TRAPPC10: variants seen among roughly 807,000 people sequenced by gnomAD.
The protein encoded by TRAPPC10 is trafficking protein particle complex subunit 10.
Under a neutral mutation model 125.5 loss-of-function variants are expected in TRAPPC10, and 23 were observed. The ratio of observed to expected loss-of-function variants is 0.18; its 90% CI spans 0.13 to 0.26. TRAPPC10 has a LOEUF of 0.26. Among genes scored for constraint, TRAPPC10 ranks in the 10% least tolerant of loss-of-function variants. The pLI, the probability that TRAPPC10 is intolerant of heterozygous loss-of-function variation, is 1.00. For synonymous variants in TRAPPC10, 509 were observed against 518.0 expected (o/e 0.98, Z 0.24); for missense variants, 1,123 against 1,308.4 (o/e 0.86, Z 2.19).
At chr21:44,077,633 TGTA>T in intron 10 of TRAPPC10, 57 bp from the exon 11 acceptor site, 1 of 1,250,432 alleles carries the variant, frequency 8.0e-7, no homozygotes, top group Non-Finnish European at 1.2e-6. Flanking sequence ...GGTGAATAAA[TGTA>T]GTATTTGTCC....
At position 44,074,336 on chromosome 21, in the gene TRAPPC10, C is replaced by T. The variant is rs757376416; in HGVS notation, c.1051C>T (p.Pro351Ser). The change falls in exon 8 of 23, where the codon CCT becomes TCT. Residue 351 changes from proline (P) to serine (S), a missense_variant. Pro to Ser is a moderately conservative substitution (Grantham distance 74, BLOSUM62 -1). Coordinates refer to ENST00000291574, the MANE Select transcript of TRAPPC10 (RefSeq NM_003274.5). ...ELKLLEVSVP[P>S]GALDCWVFLS... The stretch of plus-strand genomic sequence containing the variant: ...TGCACCCCCACAGGTCTCTGTCCCA[C>T]CTGGTGCTCTGGACTGCTGGGTGTT... 3 of 1,614,158 alleles carry T rather than the reference C, an allele frequency of 1.9e-6. No individual in the cohort carries two copies. Among genetic ancestry groups the T allele is most frequent in the Non-Finnish European group, 2.5e-6 (3 of 1,180,044 alleles).
In TRAPPC10 at chr21:44,059,781, GT is replaced by G; in HGVS notation, c.790+570del. 1 of 395,960 alleles carries G rather than the reference GT, an allele frequency of 2.5e-6. No individual in the cohort carries two copies. Among genetic ancestry groups the G allele is most frequent in the Non-Finnish European group, 4.5e-6 (1 of 223,356 alleles). 24.5% of individuals were successfully genotyped at this position (395,960 alleles called of 1,614,324 possible). A position where few individuals can be genotyped will look rare whatever the true frequency, so the allele number is the denominator to read the frequency against. On this transcript the variant is annotated intron_variant, in intron 6 of 22. Transcript: ENST00000291574. The surrounding 1 kb of genome is among the most constrained non-coding windows in gnomAD (Gnocchi z 4.4). ...GAAAGTGATACCACGTTATATAGCT[GT>G]TTCTCTGTCGCTCCTTTTTGTTACT...
chr21:44,081,213 T>C (rs1045407166), intron 13 of TRAPPC10, among the ~76,000 whole-genome samples: 11 of 151,710 alleles, frequency 7.3e-5, no homozygotes, highest in African/African-American at 2.7e-4. Flanking sequence ...CAGGTTGGAG[T>C]GCAGTGGCAT....
intron 7 of TRAPPC10, among the ~76,000 whole-genome samples, chr21:44,065,701 C>A (rs1025062397): frequency 6.6e-6 from 1 of 152,210 alleles, no homozygotes; most frequent in Non-Finnish European, 1.5e-5. Flanking sequence ...GCTTCCCAGG[C>A]CAGAGAGGAC....
At chr21:44,072,469 T>G (rs1410897791) in intron 7 of TRAPPC10, among the ~76,000 whole-genome samples, 1 of 152,036 alleles carries the variant, frequency 6.6e-6, no homozygotes, top group African/African-American at 2.4e-5. Context: ...AGGAGGTGTT[T>G]GTTTGTTTGT....
chr21:44,028,594 G>T (rs1396807404), intron 1 of TRAPPC10, among the ~76,000 whole-genome samples: 2 of 152,216 alleles, frequency 1.3e-5, no homozygotes, highest in Non-Finnish European at 2.9e-5. Context: ...GCCAATGGTG[G>T]GTGTGGAGAC....
chr21:44,058,229 A>G (rs2035755853), intron 5 of TRAPPC10, among the ~76,000 whole-genome samples: 2 of 152,148 alleles, frequency 1.3e-5, no homozygotes, highest in South Asian at 4.1e-4. Context: ...GCCAGAGCTG[A>G]AGGAGTTTGG....
At chr21:44,081,159 G>T (rs1050770849) in intron 13 of TRAPPC10, among the ~76,000 whole-genome samples, 15 of 151,028 alleles carry the variant, frequency 9.9e-5, no homozygotes, top group Admixed American at 9.9e-4. Context: ...GGGACCACAG[G>T]TGTGGGCCAC....
Position 44,016,897 on chromosome 21 carries a change from T to C in TRAPPC10, c.67+4337T>C, listed in dbSNP as rs568255534. Among the ~76,000 whole-genome samples, 115 of 152,300 alleles carry C rather than the reference T, an allele frequency of 7.6e-4. 1 individual carries two copies. Among genetic ancestry groups the C allele is most frequent in the East Asian group, 1.5e-3 (8 of 5,186 alleles). ...ATGGTCTTGATCTGACCTTGTGATC[T>C]GCCCGCCTCAGCCTCCCAAAGTGCT... On this transcript the variant is annotated intron_variant, in intron 1 of 22. Coordinates refer to ENST00000291574, the MANE Select transcript of TRAPPC10 (RefSeq NM_003274.5).
At chr21:44,086,732 C>T in intron 15 of TRAPPC10, 70 bp from the exon 16 acceptor site, 4 of 1,540,040 alleles carry the variant, frequency 2.6e-6, no homozygotes, top group South Asian at 1.1e-5. Context: ...CCCCTTTCAC[C>T]CCATTGCGGG....
chr21:44,080,600 C>T (rs2037628927), intron 13 of TRAPPC10, among the ~76,000 whole-genome samples: 1 of 151,282 alleles, frequency 6.6e-6, no homozygotes, highest in Non-Finnish European at 1.5e-5. Context: ...TGCAATGGTG[C>T]CATCTCAGCT....
intron 1 of TRAPPC10, among the ~76,000 whole-genome samples, chr21:44,022,450 ATTTTTTTTTTTT>A (rs71197876): frequency 4.1e-5 from 4 of 96,986 alleles, no homozygotes; most frequent in Non-Finnish European, 5.5e-5. Context: ...TGCCCAGCTA[ATTTTTTTTTTTT>A]TTTTTTTTTT....
intron 7 of TRAPPC10, among the ~76,000 whole-genome samples, chr21:44,066,293 A>T (rs1168373197): frequency 6.6e-6 from 1 of 152,134 alleles, no homozygotes; most frequent in East Asian, 1.9e-4. Flanking sequence ...CTTGATCCAC[A>T]CTCCAGGGGC....
At chr21:44,047,532 A>ATGTGTGCGTG (rs2034925179) in intron 3 of TRAPPC10, among the ~76,000 whole-genome samples, 2 of 142,826 alleles carry the variant, frequency 1.4e-5, no homozygotes, top group African/African-American at 5.5e-5. Context: ...CTGGGGGAGT[A>ATGTGTGCGTG]TGTGTGTGTG....
At position 44,063,569 on chromosome 21, in the gene TRAPPC10, G is replaced by A; in HGVS notation, c.822G>A (p.Gln274=). 6.2e-7 allele frequency: 1 copy of A among 1,614,208 alleles called. No homozygotes were observed. The highest frequency in any genetic ancestry group is 1.1e-5 in the South Asian group (1 of 91,088). ...DGANWLTFFC[Q]PVKSWNGLIL... ...CCAACTGGCTGACTTTTTTCTGCCA[G>A]CCAGTGAAGAGCTGGAACGGATTGA... is the stretch of plus-strand genomic sequence containing the variant. Residue 274 remains glutamine, a synonymous_variant, in exon 7 of 23, where the codon CAG becomes CAA. Transcript: ENST00000291574. This position sits in a 1 kb window ranked among gnomAD's most constrained non-coding sequence, Gnocchi z 4.4.
Position 44,084,265 on chromosome 21 carries a change from T to C in TRAPPC10, c.2380+2T>C. 1 of 1,613,008 alleles carries C rather than the reference T, an allele frequency of 6.2e-7. No individual in the cohort carries two copies. The highest frequency in any genetic ancestry group is 8.5e-7 in the Non-Finnish European group (1 of 1,179,646). ...AGCTGCACGTGGAGCCGCTGGCTGGTGAGTGGGGTCCCCAGCCTTTGAGGA... is the reference window on the plus strand; with the variant it reads ...AGCTGCACGTGGAGCCGCTGGCTGGCGAGTGGGGTCCCCAGCCTTTGAGGA... On this transcript the variant is annotated splice_donor_variant, in intron 15 of 22. Coordinates refer to ENST00000291574, the MANE Select transcript of TRAPPC10 (RefSeq NM_003274.5). LOFTEE classifies it high-confidence loss of function.
At chr21:44,044,603 A>AT (rs1234007998) in intron 3 of TRAPPC10, among the ~76,000 whole-genome samples, 3 of 144,886 alleles carry the variant, frequency 2.1e-5, no homozygotes, top group African/African-American at 7.7e-5. Flanking sequence ...CATTGTTACT[A>AT]TTTTTTGCCT....
chr21:44,073,850 A>G (rs1601757504), intron 7 of TRAPPC10, among the ~76,000 whole-genome samples: 1 of 152,086 alleles, frequency 6.6e-6, no homozygotes, highest in East Asian at 1.9e-4. Flanking sequence ...GTTGAACGTG[A>G]TCTTTCTTAA....
chr21:44,056,847 ATTATAC>A (rs1413871651), intron 5 of TRAPPC10, among the ~76,000 whole-genome samples: 1 of 152,134 alleles, frequency 6.6e-6, no homozygotes, highest in African/African-American at 2.4e-5. Flanking sequence ...AGTTAATAGT[ATTATAC>A]TTAGGTTAAT....
Sources: gnomAD v4.1 joint callset for allele counts (sites outside exome capture counted in the v4.1 genomes callset) on GRCh38, gnomAD v4.1.1 for gene constraint, Gnocchi (gnomAD v3.1) non-coding constraint, MANE v1.5 for transcripts, NCBI Gene and HGNC (gene_info 2026-07-23, HGNC 2026-07-21) for gene names.